Variants in EHMT1 observed in about 807,000 individuals in gnomAD.
EHMT1 encodes euchromatic histone lysine methyltransferase 1, also known as histone-lysine N-methyltransferase EHMT1.
EHMT1 carries 15 observed loss-of-function variants against 147.2 expected under a neutral mutation model. The observed-to-expected ratio is 0.10, with a 90% CI of 0.07 to 0.16. The LOEUF is 0.16. EHMT1 is among the 10% of genes least tolerant of loss of function. The pLI is 1.00. For synonymous variants in EHMT1, 795 were observed against 709.6 expected, an observed-to-expected ratio of 1.12 and a Z score of -1.91; for missense variants, 1,587 against 1,772.4, an observed-to-expected ratio of 0.90 and a Z score of 1.88.
At chr9:137,647,307 T>C (rs1844967159) in intron 1 of EHMT1, among the ~76,000 whole-genome samples, 1 of 152,164 alleles carries the variant, frequency 6.6e-6, no homozygotes, top group African/African-American at 2.4e-5. Context: ...CCATGTTGAC[T>C]GCATGGAAAA....
In EHMT1 at chr9:137,716,888, G is replaced by C. The variant is rs1389574909; in HGVS notation, c.348G>C (p.Gln116His). The part of the protein sequence containing the change: ...QNHVTADDFV[Q>H]TSVIGSNGYI... ...ACGTCACTGCCGACGACTTTGTGCA[G>C]ACTTCTGTCATCGGCAGCAACGGAT... The change falls in exon 3 of 27, where the codon CAG becomes CAC. Residue 116 changes from glutamine to histidine, a missense_variant. This residue lies in a region of EHMT1 where 810 missense variants were observed against 673.0 expected (regional missense o/e 1.20). Coordinates refer to ENST00000460843, the MANE Select transcript of EHMT1 (RefSeq NM_024757.5). The C allele has an allele frequency of 2.5e-6, 4 of 1,613,222 alleles. No individual in the cohort carries two copies. Among genetic ancestry groups the C allele is most frequent in the East Asian group, 2.2e-5 (1 of 44,882 alleles).
intron 3 of EHMT1, among the ~76,000 whole-genome samples, chr9:137,721,845 C>T (rs923721556): frequency 6.6e-6 from 1 of 152,182 alleles, no homozygotes; most frequent in Non-Finnish European, 1.5e-5. Context: ...TCTCTTCTTT[C>T]TCTCAAAAGG....
chr9:137,680,280 C>T lies in EHMT1; in HGVS notation c.22-30687C>T, dbSNP rs144430658. Among the ~76,000 whole-genome samples, 63 of 152,010 alleles carry T rather than the reference C, an allele frequency of 4.1e-4. 1 individual carries two copies. In the East Asian group the frequency reaches 0.012, roughly 28 times the overall value. On this transcript the variant is annotated intron_variant, in intron 1 of 26. Coordinates refer to ENST00000460843, the MANE Select transcript of EHMT1 (RefSeq NM_024757.5). ...CTTGAGGCCAGGAGTTCAAGACCAG[C>T]CTGGCTAACATGGAGAAACCCCGTC...
rs555368017 is a variant in EHMT1, at chr9:137,759,120, G to A, written c.1501+1109G>A. ...CCAGCCTGGGCGACAGCGAGACTCC[G>A]TCTCAATTAAAAAAAAAACAAAAAA... On this transcript the variant is annotated intron_variant, in intron 9 of 26. Coordinates refer to ENST00000460843, the MANE Select transcript of EHMT1 (RefSeq NM_024757.5). Among the ~76,000 whole-genome samples, 9 of 151,512 alleles carry A rather than the reference G, an allele frequency of 5.9e-5. No individual in the cohort carries two copies. The South Asian group carries it at 1.1e-3, about 18-fold the overall frequency.
intron 10 of EHMT1, among the ~76,000 whole-genome samples, chr9:137,768,422 C>T (rs1203275206): frequency 7.3e-6 from 1 of 137,172 alleles, no homozygotes; most frequent in Non-Finnish European, 1.5e-5. Flanking sequence ...GGCAGGATCT[C>T]GGCTCACTGC....
chr9:137,767,178 G>C (rs921836209), intron 10 of EHMT1, among the ~76,000 whole-genome samples: 6 of 152,124 alleles, frequency 3.9e-5, no homozygotes, highest in African/African-American at 1.4e-4. Context: ...GGAGTGCAGC[G>C]GTGCAGGCAG....
At position 137,678,834 on chromosome 9, in the gene EHMT1, C is replaced by T. The variant is rs112874810; in HGVS notation, c.22-32133C>T. ...AGATGGGCATTGGTTACAGGATGGA[C>T]ACAGGGACAGAGAAAGGACTCACAT... On this transcript the variant is annotated intron_variant, in intron 1 of 26. Transcript: ENST00000460843. Among the ~76,000 whole-genome samples the T allele has an allele frequency of 1.1e-4, 17 of 151,500 alleles. 1 individual carries two copies. Among genetic ancestry groups the T allele is most frequent in the African/African-American group, 4.1e-4 (17 of 41,248 alleles).
At chr9:137,726,087 C>CGT (rs34091165) in intron 3 of EHMT1, among the ~76,000 whole-genome samples, 47,297 of 150,648 alleles carry the variant, frequency 0.31, 8,060 homozygotes, top group Admixed American at 0.45. Flanking sequence ...GGTGCCTTGT[C>CGT]GTGTGTGTGT....
chr9:137,764,661 A>G (rs943926857), intron 10 of EHMT1: 3 of 152,246 alleles, frequency 2.0e-5, no homozygotes, highest in South Asian at 4.1e-4. Context: ...TCCTGTTATT[A>G]TTTAGTGCCT....
chr9:137,810,790 C>T (rs1383855875), intron 18 of EHMT1, among the ~76,000 whole-genome samples: 3 of 151,866 alleles, frequency 2.0e-5, no homozygotes, highest in Non-Finnish European at 4.4e-5. Context: ...CCCTCTGCCT[C>T]CCGGGTTCAA....
rs200346564 is a variant in EHMT1 at position 137,692,247 on chromosome 9, T to TTTTC, written c.22-18700_22-18697dup. 1.6e-3 allele frequency among the ~76,000 whole-genome samples: 236 copies of TTTTC among 148,288 alleles called. 1 individual carries two copies. Among genetic ancestry groups the TTTTC allele is most frequent in the East Asian group, 9.5e-3 (49 of 5,146 alleles). On this transcript the variant is annotated intron_variant, in intron 1 of 26. Transcript: ENST00000460843. Reference sequence around the variant, plus strand: ...CTAGATGGTGTTTTTCTTTTTTTTCTTTTCTTTCTTTCTTTCTTTCTTTTT... The same window carrying TTTTC: ...CTAGATGGTGTTTTTCTTTTTTTTCTTTTCTTTCTTTCTTTCTTTCTTTCTTTTT...
chr9:137,759,140 A>G (rs1828617485), intron 9 of EHMT1, among the ~76,000 whole-genome samples: 1 of 152,066 alleles, frequency 6.6e-6, no homozygotes, highest in Non-Finnish European at 1.5e-5. Flanking sequence ...AAAAAAAAAC[A>G]AAAAACAACA....
chr9:137,717,760 A>C (rs1945493829), intron 3 of EHMT1, among the ~76,000 whole-genome samples: 1 of 152,170 alleles, frequency 6.6e-6, no homozygotes, highest in Non-Finnish European at 1.5e-5. Flanking sequence ...CCTTTCAAGG[A>C]GGCCACGGCC....
At chr9:137,746,038 T>C (rs1421657751) in intron 6 of EHMT1, 2 of 152,848 alleles carry the variant, frequency 1.3e-5, no homozygotes, top group East Asian at 3.8e-4. Context: ...TGACGATCTT[T>C]TTTGTCAACG....
At chr9:137,693,645 C>G (rs1384627314) in intron 1 of EHMT1, among the ~76,000 whole-genome samples, 1 of 81,860 alleles carries the variant, frequency 1.2e-5, no homozygotes, top group African/African-American at 5.1e-5. Flanking sequence ...CGATACCCCC[C>G]ACACAGTGGC....
chr9:137,619,576 C>T (rs1032686621), intron 1 of EHMT1, among the ~76,000 whole-genome samples: 2 of 152,116 alleles, frequency 1.3e-5, no homozygotes, highest in African/African-American at 4.8e-5. Flanking sequence ...AAAAGTTGGC[C>T]AGTCCCGGCG....
At chr9:137,790,034 C>T (rs1176559053) in intron 15 of EHMT1, among the ~76,000 whole-genome samples, 1 of 152,216 alleles carries the variant, frequency 6.6e-6, no homozygotes. Flanking sequence ...CCGGCCTCTC[C>T]ACCCCCTTAG....
intron 4 of EHMT1, among the ~76,000 whole-genome samples, chr9:137,742,636 C>T (rs1399464193): frequency 6.6e-6 from 1 of 152,182 alleles, no homozygotes; most frequent in African/African-American, 2.4e-5. Context: ...CCCCCAGGCC[C>T]CTTCCTCGCT....
intron 3 of EHMT1, among the ~76,000 whole-genome samples, chr9:137,725,424 C>T (rs907126861): frequency 6.6e-6 from 1 of 152,132 alleles, no homozygotes; most frequent in Admixed American, 6.5e-5. Context: ...GAGCATTCAT[C>T]CCTCGGGGAA....
Sources: gnomAD v4.1 joint callset for allele counts (sites outside exome capture counted in the v4.1 genomes callset) on GRCh38, gnomAD v4.1.1 for gene constraint, gnomAD v4.1.1 regional missense constraint, MANE v1.5 for transcripts, NCBI Gene and HGNC (gene_info 2026-07-23, HGNC 2026-07-21) for gene names.